Variants in CASP5 observed in about 807,000 individuals in gnomAD.
CASP5 encodes the protein caspase 5, also known as caspase-5.
Under a neutral mutation model 45.2 loss-of-function variants are expected in CASP5, and 42 were observed. That is an observed-to-expected ratio of 0.93 (90% confidence interval 0.73 to 1.20). CASP5 has a LOEUF of 1.20. CASP5 is among the 50% of genes most tolerant of loss of function. CASP5 has a pLI of 0.00. For missense variants in CASP5, 512 were observed against 532.2 expected (o/e 0.96, Z 0.37); for synonymous variants, 209 against 186.2 (o/e 1.12, Z -1.00).
intron 2 of CASP5, among the ~76,000 whole-genome samples, chr11:105,007,892 A>G (rs1281379639): frequency 6.6e-6 from 1 of 152,138 alleles, no homozygotes; most frequent in African/African-American, 2.4e-5. Context: ...TAAATACATG[A>G]CTTAATGAAC....
At position 105,007,154 on chromosome 11, in the gene CASP5, T is replaced by C. The variant is rs865850285; in HGVS notation, c.362A>G (p.Lys121Arg). ...KALILVDSLRKNRVAHQMFTQ... is the reference protein window; with the variant it reads ...KALILVDSLRRNRVAHQMFTQ... ...AAACATTTGATGAGCCACGCGATTCTTTCGCAAAGAGTCTACCAAGATCAG... is the reference window on the plus strand; with the variant it reads ...AAACATTTGATGAGCCACGCGATTCCTTCGCAAAGAGTCTACCAAGATCAG... The change falls in exon 3 of 10, where the codon AAG (lysine) becomes AGG (arginine). Residue 121 changes from lysine to arginine, a missense_variant. Coordinates refer to ENST00000260315, the MANE Select transcript of CASP5 (RefSeq NM_004347.5). 3.1e-6 allele frequency: 5 copies of C among 1,613,878 alleles called. No homozygotes were observed. The Middle Eastern group carries it at 5.0e-4, about 160-fold the overall frequency.
At chr11:105,013,262 G>A (rs774149780) in intron 1 of CASP5, among the ~76,000 whole-genome samples, 1 of 151,978 alleles carries the variant, frequency 6.6e-6, no homozygotes, top group African/African-American at 2.4e-5. Context: ...GTGATTAGGA[G>A]GAGGCAGGAA....
chr11:105,014,830 A>C (rs1313943122), intron 1 of CASP5, among the ~76,000 whole-genome samples: 1 of 152,186 alleles, frequency 6.6e-6, no homozygotes, highest in Non-Finnish European at 1.5e-5. Flanking sequence ...ACATTGTAAG[A>C]ATTTAAATAA....
At chr11:105,002,714 A>G (rs1861800324) in intron 4 of CASP5, among the ~76,000 whole-genome samples, 1 of 152,194 alleles carries the variant, frequency 6.6e-6, no homozygotes, top group South Asian at 2.1e-4. Context: ...TTGTGGCTTT[A>G]TCTGAAATTG....
intron 1 of CASP5, among the ~76,000 whole-genome samples, chr11:105,014,508 G>C (rs1862495269): frequency 6.6e-6 from 1 of 152,142 alleles, no homozygotes; most frequent in South Asian, 2.1e-4. Flanking sequence ...GCACTCAAGG[G>C]AAGTCTAATA....
At chr11:105,001,922 G>T (rs151041523) in intron 5 of CASP5, 106 bp downstream of exon 5, 2 of 1,099,686 alleles carry the variant, frequency 1.8e-6, no homozygotes, top group African/African-American at 1.6e-5. Flanking sequence ...ACACGCACAC[G>T]AACCCAGAGG....
chr11:105,004,164 G>T (rs951353200), intron 3 of CASP5, among the ~76,000 whole-genome samples: 10 of 152,076 alleles, frequency 6.6e-5, no homozygotes, highest in African/African-American at 2.4e-4. Flanking sequence ...TATGAAGAAA[G>T]GTTGTCTAGT....
chr11:105,009,720 C>CACACACACATATATATATAT (rs1376205553), intron 1 of CASP5, among the ~76,000 whole-genome samples: 1 of 64,088 alleles, frequency 1.6e-5, no homozygotes, highest in Non-Finnish European at 3.2e-5. Flanking sequence ...TATATACACA[C>CACACACACATATATATATAT]ATATATATAT....
In CASP5 at chr11:105,009,920, T is replaced by C. The variant is rs566774056; in HGVS notation, c.8-940A>G. Reference sequence around the variant, plus strand: ...ATACATATATATACACATATATATATACACACATACACACACACACACACA... The same window carrying C: ...ATACATATATATACACATATATATACACACACATACACACACACACACACA... On this transcript the variant is annotated intron_variant, in intron 1 of 9. Coordinates refer to ENST00000260315, the MANE Select transcript of CASP5 (RefSeq NM_004347.5). Among the ~76,000 whole-genome samples the C allele has an allele frequency of 2.4e-3, 293 of 121,866 alleles. 2 individuals carry two copies. The highest frequency in any genetic ancestry group is 9.6e-3 in the African/African-American group (276 of 28,856). 79.9% of individuals were successfully genotyped at this position (121,866 alleles called of 152,430 possible). A position where few individuals can be genotyped will look rare whatever the true frequency, so the allele number is the denominator to read the frequency against.
chr11:104,997,762 C>G (rs926510003), intron 7 of CASP5, among the ~76,000 whole-genome samples: 1 of 152,126 alleles, frequency 6.6e-6, no homozygotes, highest in Non-Finnish European at 1.5e-5. Context: ...TGTTCATTCA[C>G]TTTGCTTAGA....
Position 105,021,355 on chromosome 11 carries a change from C to T in CASP5, c.7+1775G>A, listed in dbSNP as rs1446040183. ...GCTTCTACACAGCAAAAGAAACTAC[C>T]GTCAGAGTGAACAGGCAACCTACAA... On this transcript the variant is annotated intron_variant, in intron 1 of 9. Transcript: ENST00000260315. Among the ~76,000 whole-genome samples the T allele has an allele frequency of 1.4e-4, 20 of 145,276 alleles. 1 individual carries two copies. Among genetic ancestry groups the T allele is most frequent in the East Asian group, 3.9e-4 (2 of 5,176 alleles).
At chr11:105,018,165 A>G (rs1286801327) in intron 1 of CASP5, among the ~76,000 whole-genome samples, 1 of 152,020 alleles carries the variant, frequency 6.6e-6, no homozygotes, top group Non-Finnish European at 1.5e-5. Context: ...AGCACTCAAC[A>G]TGGAAAGGAA....
At chr11:104,998,017 A>G (rs561327687) in intron 7 of CASP5, among the ~76,000 whole-genome samples, 8 of 152,318 alleles carry the variant, frequency 5.3e-5, no homozygotes, top group Middle Eastern at 3.4e-3. Flanking sequence ...TATGGTGCCA[A>G]TAGTAAATAA....
intron 6 of CASP5, 127 bp downstream of exon 6, chr11:105,000,134 T>C: frequency 1.0e-6 from 1 of 972,128 alleles, no homozygotes; most frequent in Non-Finnish European, 1.6e-6. Context: ...GTAGAGTTTC[T>C]TCATAATTCA....
intron 1 of CASP5, among the ~76,000 whole-genome samples, chr11:105,021,414 A>C (rs1413678266): frequency 6.8e-6 from 1 of 148,054 alleles, no homozygotes; most frequent in Non-Finnish European, 1.5e-5. Flanking sequence ...TACTCGTCTG[A>C]CAAAGGGCTA....
chr11:105,008,274 A>T (rs1862105085), intron 2 of CASP5, among the ~76,000 whole-genome samples: 1 of 152,136 alleles, frequency 6.6e-6, no homozygotes, highest in Non-Finnish European at 1.5e-5. Context: ...CCAATGAAAC[A>T]CTGGAGCAGA....
At chr11:105,020,984 G>C (rs1862926033) in intron 1 of CASP5, among the ~76,000 whole-genome samples, 1 of 151,968 alleles carries the variant, frequency 6.6e-6, no homozygotes. Context: ...GAACAGAACA[G>C]AGCCCTCAGA....
At chr11:105,015,513 T>A (rs1862544113) in intron 1 of CASP5, among the ~76,000 whole-genome samples, 1 of 152,216 alleles carries the variant, frequency 6.6e-6, no homozygotes, top group Non-Finnish European at 1.5e-5. Context: ...TTATATAGGA[T>A]ACTGTTTTTC....
At chr11:105,015,275 C>A (rs1260351657) in intron 1 of CASP5, among the ~76,000 whole-genome samples, 1 of 152,174 alleles carries the variant, frequency 6.6e-6, no homozygotes, top group Non-Finnish European at 1.5e-5. Flanking sequence ...GCAATAATAG[C>A]ACAAACTTAA....
Sources: allele counts gnomAD v4.1 joint callset (sites outside exome capture counted in the v4.1 genomes callset), GRCh38; gene constraint gnomAD v4.1.1; transcripts MANE v1.5; gene names NCBI Gene and HGNC (gene_info 2026-07-23, HGNC 2026-07-21).